Variants in CRB1 observed in about 807,000 individuals in gnomAD.
CRB1 encodes the protein protein crumbs homolog 1.
In CRB1, 83 loss-of-function variants were observed where a neutral mutation model predicts 120.0. That is an observed-to-expected ratio of 0.69 (90% CI 0.58 to 0.83). CRB1 has a LOEUF of 0.83. CRB1 is among the 40% of genes least tolerant of loss of function. The pLI, the probability that CRB1 is intolerant of heterozygous loss-of-function variation, is 0.00. For synonymous variants in CRB1, 625 were observed against 612.5 expected (o/e 1.02, Z -0.30); for missense variants, 1,699 against 1,687.6 (o/e 1.01, Z -0.12).
rs758387370 is a variant in CRB1, at chr1:197,421,284, C to T, written c.1456C>T (p.Leu486Phe). 6 of 1,614,242 alleles carry T rather than the reference C, an allele frequency of 3.7e-6. No homozygotes were observed. The highest frequency in any genetic ancestry group is 5.1e-6 in the Non-Finnish European group (6 of 1,180,050). The part of the protein sequence containing the change: ...TGSLCEIATT[L>F]SFEGDGFLWV... ...GTCCCTGTGTGAAATCGCAACCACACTTTCATTTGAGGGCGATGGCTTCCT... is the reference window on the plus strand; with the variant it reads ...GTCCCTGTGTGAAATCGCAACCACATTTTCATTTGAGGGCGATGGCTTCCT... Residue 486 changes from leucine (L) to phenylalanine (F), a missense_variant, in exon 6 of 12, where the codon CTT (leucine) becomes TTT (phenylalanine). Coordinates refer to ENST00000367400, the MANE Select transcript of CRB1 (RefSeq NM_201253.3).
chr1:197,314,377 ATAGT>A (rs1239530368), intron 1 of CRB1, among the ~76,000 whole-genome samples: 1 of 152,156 alleles, frequency 6.6e-6, no homozygotes, highest in Non-Finnish European at 1.5e-5. Context: ...GGTCCTTCTT[ATAGT>A]TTTCATTTCT....
intron 5 of CRB1, among the ~76,000 whole-genome samples, chr1:197,405,539 C>T (rs904201915): frequency 2.6e-5 from 4 of 151,542 alleles, no homozygotes; most frequent in East Asian, 2.0e-4. Flanking sequence ...GGCCGCCCAT[C>T]GTCTGGGACG....
At chr1:197,299,896 T>G (rs866218493) in intron 1 of CRB1, among the ~76,000 whole-genome samples, 11 of 152,022 alleles carry the variant, frequency 7.2e-5, no homozygotes, top group Middle Eastern at 3.4e-3. Flanking sequence ...TCAGTTTGTG[T>G]CTCGGTGTCA....
At chr1:197,377,641 C>T (rs1661719086) in intron 5 of CRB1, among the ~76,000 whole-genome samples, 1 of 152,176 alleles carries the variant, frequency 6.6e-6, no homozygotes, top group African/African-American at 2.4e-5. Flanking sequence ...CTCCTTATTT[C>T]AGATTGATCT....
chr1:197,439,216 G>C (rs1665312989), intron 10 of CRB1: 1 of 164,832 alleles, frequency 6.1e-6, no homozygotes, highest in African/African-American at 2.4e-5. Context: ...ATATGTATTT[G>C]AGTGGCTAGG....
the CRB1 span, among the ~76,000 whole-genome samples, chr1:197,211,807 A>AT: frequency 1.2e-4 from 11 of 90,988 alleles, no homozygotes; most frequent in South Asian, 4.1e-4. Flanking sequence ...TCAATATTAA[A>AT]ATTTTTTTTT....
chr1:197,335,016 A>G (rs1659072690), intron 2 of CRB1, among the ~76,000 whole-genome samples: 1 of 152,268 alleles, frequency 6.6e-6, no homozygotes, highest in South Asian at 2.1e-4. Context: ...TGATCAAGAA[A>G]GTCTTCACTG....
At chr1:197,252,570 A>ATT in the CRB1 span, among the ~76,000 whole-genome samples, 1 of 48,640 alleles carries the variant, frequency 2.1e-5, no homozygotes, top group Non-Finnish European at 4.5e-5. Flanking sequence ...ATATATATAT[A>ATT]TATATATATA....
rs1665111576 is a variant in CRB1, at chr1:197,435,513, A to G, written c.3650A>G (p.Asn1217Ser). The change falls in exon 9 of 12, where the codon AAC (asparagine) becomes AGC (serine). Residue 1217 changes from asparagine (N) to serine (S), a missense_variant. By Grantham distance (46) the Asn-to-Ser change is conservative. Coordinates refer to ENST00000367400, the MANE Select transcript of CRB1 (RefSeq NM_201253.3). Reference sequence around the variant, plus strand: ...GTGAACTGTGAAGTGGATATAGACAACTGCCAGAGTCACCAGTGTGCAAAT... The same window carrying G: ...GTGAACTGTGAAGTGGATATAGACAGCTGCCAGAGTCACCAGTGTGCAAAT... Reference protein sequence around the residue: ...TGVNCEVDIDNCQSHQCANGA... With the variant: ...TGVNCEVDIDSCQSHQCANGA... 6.2e-7 allele frequency: 1 copy of G among 1,611,762 alleles called. No individual in the cohort carries two copies. The highest frequency in any genetic ancestry group is 1.3e-5 in the African/African-American group (1 of 74,860).
chr1:197,237,138 A>T, the CRB1 span, among the ~76,000 whole-genome samples: 1 of 152,144 alleles, frequency 6.6e-6, no homozygotes, highest in Admixed American at 6.5e-5. Flanking sequence ...ATCAGAAAAA[A>T]AAAAGACAGA....
At chr1:197,403,816 C>T (rs1194958487) in intron 5 of CRB1, among the ~76,000 whole-genome samples, 1 of 152,150 alleles carries the variant, frequency 6.6e-6, no homozygotes, top group African/African-American at 2.4e-5. Flanking sequence ...CTCTTCCCCA[C>T]ATCTCCTTAG....
chr1:197,220,516 T>C, the CRB1 span, among the ~76,000 whole-genome samples: 4 of 152,282 alleles, frequency 2.6e-5, no homozygotes, highest in South Asian at 8.3e-4. Context: ...TGTCAGACCA[T>C]GGGCTACAAG....
intron 5 of CRB1, among the ~76,000 whole-genome samples, chr1:197,415,641 C>CTTTT (rs55654070): frequency 1.1e-3 from 105 of 93,954 alleles, no homozygotes; most frequent in East Asian, 2.5e-3. Flanking sequence ...TTTTTCTTTT[C>CTTTT]TTTTTTTTTT....
chr1:197,441,659 C>CTTTTTTTTTTTTTTTTTTTTTTTTT (rs5779872), intron 10 of CRB1: 1 of 68,196 alleles, frequency 1.5e-5, no homozygotes, highest in Non-Finnish European at 2.5e-5. Flanking sequence ...TTCCCTCCTT[C>CTTTTTTTTTTTTTTTTTTTTTTTTT]TTTTTTTTTT....
rs1277758473 is a variant in CRB1 at position 197,421,258 on chromosome 1, G to T, written c.1430G>T (p.Gly477Val). The T allele has an allele frequency of 6.2e-7, 1 of 1,614,162 alleles. No homozygotes were observed. Among genetic ancestry groups the T allele is most frequent in the African/African-American group, 1.3e-5 (1 of 75,054 alleles). Residue 477 changes from glycine to valine, a missense_variant, in exon 6 of 12, where the codon GGG becomes GTG. Transcript: ENST00000367400. ...FSCLCPSGYT[G>V]SLCEIATTLS... ...TGCCTATGTCCATCTGGCTACACCG[G>T]GTCCCTGTGTGAAATCGCAACCACA...
chr1:197,274,480 G>T (rs757695966), intron 1 of CRB1, among the ~76,000 whole-genome samples: 3 of 152,044 alleles, frequency 2.0e-5, no homozygotes, highest in Non-Finnish European at 4.4e-5. Context: ...TTATAAATTT[G>T]CATGCAATTG....
chr1:197,341,205 A>C (rs1372702566), intron 2 of CRB1, among the ~76,000 whole-genome samples: 1 of 152,152 alleles, frequency 6.6e-6, no homozygotes, highest in Non-Finnish European at 1.5e-5. Flanking sequence ...TTGAGATCTC[A>C]ATGCCTGTGA....
Position 197,421,032 on chromosome 1 carries a change from T to G in CRB1, c.1204T>G (p.Ser402Ala), listed in dbSNP as rs781359016. ...CTGCGAAGAAGACGTCAATGAATGT[T>G]CTTCAAACCCTTGCCAAAATGGTGG... ...IHCEEDVNEC[S>A]SNPCQNGGTC... The change falls in exon 6 of 12, where the codon TCT becomes GCT. Residue 402 changes from serine (S) to alanine (A), a missense_variant. Ser to Ala is a moderately conservative substitution (Grantham distance 99, BLOSUM62 1). Coordinates refer to ENST00000367400, the MANE Select transcript of CRB1 (RefSeq NM_201253.3). The G allele has an allele frequency of 2.5e-6, 4 of 1,613,668 alleles. No homozygotes were observed. In the South Asian group the frequency reaches 3.3e-5, roughly 13 times the overall value.
the CRB1 span, among the ~76,000 whole-genome samples, chr1:197,252,538 TTATATATATATA>T: frequency 6.7e-3 from 185 of 27,804 alleles, 1 homozygote; most frequent in Middle Eastern, 0.033. Flanking sequence ...CCAATAGATT[TTATATATATATA>T]TATATATATA....
Sources: gnomAD v4.1 joint callset for allele counts (sites outside exome capture counted in the v4.1 genomes callset) on GRCh38, gnomAD v4.1.1 for gene constraint, MANE v1.5 for transcripts, NCBI Gene and HGNC (gene_info 2026-07-23, HGNC 2026-07-21) for gene names.